ITGAD: variants seen among roughly 807,000 people sequenced by gnomAD.
The protein encoded by ITGAD is integrin subunit alpha D.
Under a neutral mutation model 139.0 loss-of-function variants are expected in ITGAD, and 105 were observed. That is an observed-to-expected ratio of 0.76 (90% CI 0.65 to 0.89). The LOEUF (loss-of-function observed/expected upper bound fraction) is 0.89. ITGAD is among the 40% of genes least tolerant of loss of function. The probability of loss-of-function intolerance (pLI) is 0.00; values close to 1 mark genes in which losing one functional copy is unlikely to be tolerated. For missense variants in ITGAD, 1,384 were observed against 1,487.3 expected (o/e 0.93, Z 1.14); for synonymous variants, 569 against 598.3 (o/e 0.95, Z 0.71).
intron 29 of ITGAD, among the ~76,000 whole-genome samples, chr16:31,425,713 T>G (rs1175679028): frequency 6.6e-6 from 1 of 150,874 alleles, no homozygotes; most frequent in Non-Finnish European, 1.5e-5. Context: ...CATGGAGTCT[T>G]GCTGTCTTGC....
In ITGAD at chr16:31,411,179, G is replaced by A. The variant is rs746448725; in HGVS notation, c.1460G>A (p.Arg487Gln). The change falls in exon 13 of 30, where the codon CGA becomes CAA. Residue 487 changes from arginine to glutamine, a missense_variant. By Grantham distance (43) the Arg-to-Gln change is conservative. Coordinates refer to ENST00000389202, the MANE Select transcript of ITGAD (RefSeq NM_005353.3). ...IGAPHYYEQT[R>Q]GGQVSVCPLP... Reference sequence around the variant, plus strand: ...GCCCCCCATTACTATGAGCAGACCCGAGGGGGCCAGGTGTCCGTGTGTCCC... The same window carrying A: ...GCCCCCCATTACTATGAGCAGACCCAAGGGGGCCAGGTGTCCGTGTGTCCC... The A allele has an allele frequency of 1.7e-5, 27 of 1,613,830 alleles. No individual in the cohort carries two copies. In the South Asian group the frequency reaches 2.6e-4, roughly 16 times the overall value.
rs772480751 is a variant in ITGAD at position 31,418,032 on chromosome 16, C to T, written c.2500-43C>T. 104 of 1,480,612 alleles carry T rather than the reference C, an allele frequency of 7.0e-5. 1 individual carries two copies. The highest frequency in any genetic ancestry group is 2.5e-4 in the Admixed American group (15 of 59,678). 91.7% of individuals were successfully genotyped at this position (1,480,612 alleles called of 1,614,324 possible). ...ACCACTGCTGTGTATCAAGCCCACA[C>T]ATGCATGCGGGTAACTTCTTAAAAT... On this transcript the variant is annotated intron_variant, in intron 20 of 29. Transcript: ENST00000389202.
At position 31,403,751 on chromosome 16, in the gene ITGAD, G is replaced by C; in HGVS notation, c.704+106G>C. On this transcript the variant is annotated intron_variant, in intron 7 of 29. Coordinates refer to ENST00000389202, the MANE Select transcript of ITGAD (RefSeq NM_005353.3). The surrounding 1 kb of genome is among the most constrained non-coding windows in gnomAD (Gnocchi z 4.4). The stretch of plus-strand genomic sequence containing the variant: ...GGCTGAGGGAGGCTCCAGGGAAAGG[G>C]GCTACCAAGGGGCATGTCGGGGCTG... 7.0e-7 allele frequency: 1 copy of C among 1,422,746 alleles called. No individual in the cohort carries two copies. Among genetic ancestry groups the C allele is most frequent in the Non-Finnish European group, 9.7e-7 (1 of 1,033,830 alleles). The allele number at this position is 1,422,746 out of a possible 1,614,324, so 88.1% of individuals were successfully genotyped here.
intron 23 of ITGAD, among the ~76,000 whole-genome samples, chr16:31,419,090 G>C (rs937893148): frequency 6.6e-6 from 1 of 151,444 alleles, no homozygotes; most frequent in African/African-American, 2.4e-5. Context: ...CTACTCAGGA[G>C]GCTAAGGCAG....
In ITGAD at chr16:31,423,370, C is replaced by G. The variant is rs565792386; in HGVS notation, c.2878C>G (p.Arg960Gly). 1 of 1,613,974 alleles carries G rather than the reference C, an allele frequency of 6.2e-7. No homozygotes were observed. Among genetic ancestry groups the G allele is most frequent in the African/African-American group, 1.3e-5 (1 of 75,006 alleles). The change falls in exon 25 of 30, where the codon CGA (arginine) becomes GGA (glycine). Residue 960 changes from arginine (R) to glycine (G), a missense_variant. Arg to Gly is a moderately radical substitution (Grantham distance 125). Transcript: ENST00000389202. Reference protein sequence around the residue: ...HRYRVNNLSQRDLAISINFWV... With the variant: ...HRYRVNNLSQGDLAISINFWV... ...CCTGCAGGTGAATAACCTCAGCCAG[C>G]GAGATCTGGCCATCAGCATTAACTT...
intron 5 of ITGAD, 105 bp downstream of exon 5, chr16:31,398,014 G>C: frequency 1.2e-6 from 1 of 801,912 alleles, no homozygotes; most frequent in Non-Finnish European, 2.0e-6. Flanking sequence ...CTGGAGGGCC[G>C]AGTGTGGCTA....
At chr16:31,425,967 C>T (rs747411777) in intron 29 of ITGAD, 48 bp from the exon 30 acceptor site, 3 of 1,271,906 alleles carry the variant, frequency 2.4e-6, no homozygotes, top group Admixed American at 3.5e-5. Flanking sequence ...AGGTGTGAGC[C>T]ACCGGGCCCG....
intron 5 of ITGAD, among the ~76,000 whole-genome samples, chr16:31,398,427 C>CAAAAAAA (rs941556814): frequency 1.4e-5 from 1 of 73,324 alleles, no homozygotes; most frequent in Non-Finnish European, 3.0e-5. Context: ...AACTCCATCT[C>CAAAAAAA]AAAAAAAAAA....
intron 2 of ITGAD, among the ~76,000 whole-genome samples, chr16:31,395,863 C>T (rs755605808): frequency 1.3e-5 from 2 of 152,042 alleles, no homozygotes; most frequent in Non-Finnish European, 1.5e-5. Context: ...AAGAGGTCAC[C>T]GAGCTCCAAC....
chr16:31,406,035 T>A lies in ITGAD; in HGVS notation c.705-1480T>A, dbSNP rs575902376. On this transcript the variant is annotated intron_variant, in intron 7 of 29. Coordinates refer to ENST00000389202, the MANE Select transcript of ITGAD (RefSeq NM_005353.3). ...ACACCTGTGTGTATTTGCTCTGAGT[T>A]TATCTGAGTTTATAGAGTTACATGA... Among the ~76,000 whole-genome samples, 12 of 152,250 alleles carry A rather than the reference T, an allele frequency of 7.9e-5. No individual in the cohort carries two copies. In the Middle Eastern group the frequency reaches 0.01, roughly 129 times the overall value.
chr16:31,396,447 T>C (rs2081265736), intron 2 of ITGAD, among the ~76,000 whole-genome samples: 1 of 152,198 alleles, frequency 6.6e-6, no homozygotes, highest in Non-Finnish European at 1.5e-5. Flanking sequence ...CACTCCAACC[T>C]GGGTGACAGA....
chr16:31,403,549 C>T lies in ITGAD; in HGVS notation c.608C>T (p.Thr203Ile), dbSNP rs1272708281. Residue 203 changes from threonine to isoleucine, a missense_variant, in exon 7 of 30, where the codon ACC becomes ATC. Coordinates refer to ENST00000389202, the MANE Select transcript of ITGAD (RefSeq NM_005353.3). This position sits in a 1 kb window ranked among gnomAD's most constrained non-coding sequence, Gnocchi z 4.4. ...SNLLKIHFTF[T>I]QFRTSPSQQS... ...CTCCTGAAGATCCACTTCACCTTCA[C>T]CCAATTCCGGACCAGCCCGAGCCAG... 2 of 1,614,108 alleles carry T rather than the reference C, an allele frequency of 1.2e-6. No homozygotes were observed. The highest frequency in any genetic ancestry group is 1.3e-5 in the African/African-American group (1 of 74,936).
chr16:31,424,078 A>G, intron 27 of ITGAD, 24 bp from the exon 28 acceptor site: 1 of 1,613,986 alleles, frequency 6.2e-7, no homozygotes, highest in Non-Finnish European at 8.5e-7. Context: ...CCAGTTCCAC[A>G]GGTTTCCCCC....
chr16:31,407,376 A>C, intron 7 of ITGAD, 139 bp from the exon 8 acceptor site: 1 of 850,646 alleles, frequency 1.2e-6, no homozygotes. Context: ...CCAAAACGGC[A>C]AAATCAATTC....
Position 31,403,601 on chromosome 16 carries a change from A to T in ITGAD, c.660A>T (p.Gln220His). 1 of 1,614,144 alleles carries T rather than the reference A, an allele frequency of 6.2e-7. No homozygotes were observed. The highest frequency in any genetic ancestry group is 8.5e-7 in the Non-Finnish European group (1 of 1,180,022). Residue 220 changes from glutamine to histidine, a missense_variant, in exon 7 of 30, where the codon CAA becomes CAT. By Grantham distance (24) the Gln-to-His change is conservative. Coordinates refer to ENST00000389202, the MANE Select transcript of ITGAD (RefSeq NM_005353.3). This position sits in a 1 kb window ranked among gnomAD's most constrained non-coding sequence, Gnocchi z 4.4. ...SQQSLVDPIV[Q>H]LKGLTFTATG... is the part of the protein sequence containing the mutation. ...AGAGCCTGGTGGATCCCATCGTCCA[A>T]CTGAAAGGCCTGACGTTCACGGCCA...
chr16:31,402,582 GC>G (rs2081435399), intron 6 of ITGAD: 1 of 183,268 alleles, frequency 5.5e-6, no homozygotes, highest in Non-Finnish European at 1.2e-5. Context: ...CATAACTAGT[GC>G]CTATGTATGT....
intron 7 of ITGAD, among the ~76,000 whole-genome samples, chr16:31,407,087 C>T (rs1816058126): frequency 2.0e-5 from 3 of 152,200 alleles, no homozygotes; most frequent in Non-Finnish European, 4.4e-5. Context: ...GGCATGGTGG[C>T]TCACGCCTGC....
intron 1 of ITGAD, among the ~76,000 whole-genome samples, chr16:31,393,870 C>T (rs1301363236): frequency 6.6e-6 from 1 of 152,136 alleles, no homozygotes; most frequent in East Asian, 1.9e-4. Context: ...GTGGCTCATG[C>T]TTATAATCCC....
intron 15 of ITGAD, 23 bp downstream of exon 15, chr16:31,412,991 C>T (rs1182423149): frequency 2.5e-6 from 4 of 1,598,898 alleles, no homozygotes; most frequent in Non-Finnish European, 3.4e-6. Context: ...CAACATCCTG[C>T]CCTCCCGCGC....
Sources: gnomAD v4.1 joint callset for allele counts (sites outside exome capture counted in the v4.1 genomes callset) on GRCh38, gnomAD v4.1.1 for gene constraint, Gnocchi (gnomAD v3.1) non-coding constraint, MANE v1.5 for transcripts, NCBI Gene and HGNC (gene_info 2026-07-23, HGNC 2026-07-21) for gene names.